The following OPCML variants were observed in gnomAD, a reference collection of about 807,000 sequenced individuals.
OPCML encodes opioid-binding protein/cell adhesion molecule.
A neutral mutation model predicts 37.8 loss-of-function variants in OPCML; 13 were observed. The observed-to-expected ratio is 0.34, with a 90% CI of 0.22 to 0.55. OPCML has a LOEUF of 0.55. OPCML is among the 20% of genes least tolerant of loss of function. The probability of loss-of-function intolerance (pLI) is 0.91; values close to 1 mark genes in which losing one functional copy is unlikely to be tolerated. For synonymous variants in OPCML, 176 were observed against 168.8 expected, an observed-to-expected ratio of 1.04 and a Z score of -0.33; for missense variants, 341 against 435.6, an observed-to-expected ratio of 0.78 and a Z score of 1.93.
At chr11:132,960,228 C>G (rs1170256764) in intron 1 of OPCML, among the ~76,000 whole-genome samples, 1 of 152,188 alleles carries the variant, frequency 6.6e-6, no homozygotes, top group Admixed American at 6.5e-5. Context: ...CGTAACTTTA[C>G]GTGTAGAAAA....
At chr11:132,615,821 A>G (rs1938970461) in intron 3 of OPCML, among the ~76,000 whole-genome samples, 1 of 152,220 alleles carries the variant, frequency 6.6e-6, no homozygotes, top group South Asian at 2.1e-4. Context: ...TCAGGAAAAG[A>G]ACCTGTAGAG....
chr11:132,714,256 A>G (rs1250236368), intron 2 of OPCML, among the ~76,000 whole-genome samples: 1 of 152,224 alleles, frequency 6.6e-6, no homozygotes, highest in African/African-American at 2.4e-5. Flanking sequence ...AAATAAAAAC[A>G]TTTGGAATTT....
At chr11:132,427,558 A>G (rs2136684673) in intron 7 of OPCML, among the ~76,000 whole-genome samples, 1 of 152,342 alleles carries the variant, frequency 6.6e-6, no homozygotes, top group South Asian at 2.1e-4. Context: ...CAGTCGATAA[A>G]GAGGCAACCA....
At chr11:133,002,813 GGTTGT>G (rs1290346835) in intron 1 of OPCML, among the ~76,000 whole-genome samples, 6 of 152,088 alleles carry the variant, frequency 3.9e-5, no homozygotes, top group Admixed American at 3.3e-4. Context: ...ATTGATCGTA[GGTTGT>G]GTCATCAGTT....
At chr11:132,438,047 T>C (rs1399478334) in intron 4 of OPCML, among the ~76,000 whole-genome samples, 1 of 152,234 alleles carries the variant, frequency 6.6e-6, no homozygotes, top group Non-Finnish European at 1.5e-5. Flanking sequence ...GTGGATTTAA[T>C]ACTCAATTTG....
chr11:132,729,133 C>T (rs1944986216), intron 2 of OPCML, among the ~76,000 whole-genome samples: 1 of 152,164 alleles, frequency 6.6e-6, no homozygotes, highest in Admixed American at 6.5e-5. Context: ...GTGTAGCAGC[C>T]TCAGGGAAGA....
chr11:132,441,228 C>A (rs1267677300), intron 4 of OPCML, among the ~76,000 whole-genome samples: 2 of 120,016 alleles, frequency 1.7e-5, no homozygotes, highest in Non-Finnish European at 3.2e-5. Flanking sequence ...AGTGCAGTGG[C>A]GGGATCTCGG....
intron 1 of OPCML, among the ~76,000 whole-genome samples, chr11:133,204,745 G>A (rs148960391): frequency 6.6e-6 from 1 of 151,754 alleles, no homozygotes; most frequent in Non-Finnish European, 1.5e-5. Flanking sequence ...TGGCTTTACT[G>A]TAGCTGTTAT....
At position 132,928,555 on chromosome 11, in the gene OPCML, T is replaced by C. The variant is rs59348870; in HGVS notation, c.146+14371A>G. On this transcript the variant is annotated intron_variant, in intron 2 of 7. Transcript: ENST00000524381. ...TTAGCACTCCACTTTCAATAATAGA[T>C]ATAACAAACAGACATAAGATCAATA... 4.6e-3 allele frequency among the ~76,000 whole-genome samples: 698 copies of C among 152,060 alleles called. 2 individuals are homozygous for C. Among genetic ancestry groups the C allele is most frequent in the African/African-American group, 0.016 (674 of 41,544 alleles).
intron 4 of OPCML, among the ~76,000 whole-genome samples, chr11:132,494,023 C>T (rs888088195): frequency 7.2e-5 from 11 of 152,194 alleles, no homozygotes; most frequent in Admixed American, 4.6e-4. Context: ...CTGTAGGGTG[C>T]CTTTCCCTGC....
intron 1 of OPCML, among the ~76,000 whole-genome samples, chr11:132,998,507 G>T (rs7948423): frequency 0.028 from 4,203 of 152,118 alleles, 190 homozygotes; most frequent in African/African-American, 0.097. Context: ...TCCCATCTTT[G>T]TCAGTTTTCA....
chr11:132,479,931 GA>G (rs1287572873), intron 4 of OPCML, among the ~76,000 whole-genome samples: 1 of 152,142 alleles, frequency 6.6e-6, no homozygotes, highest in Non-Finnish European at 1.5e-5. Flanking sequence ...AAAAACAGCG[GA>G]AAAACTGGAA....
At chr11:133,412,239 G>A (rs529630311) in intron 1 of OPCML, among the ~76,000 whole-genome samples, 5 of 152,280 alleles carry the variant, frequency 3.3e-5, no homozygotes, top group African/African-American at 1.2e-4. Context: ...AATTGGAGAG[G>A]CCCACCTAGG....
chr11:132,942,916 A>G lies in OPCML; in HGVS notation c.146+10T>C, dbSNP rs899183757. 1.3e-5 allele frequency: 21 copies of G among 1,613,512 alleles called. No individual in the cohort carries two copies. In the East Asian group the frequency reaches 4.7e-4, roughly 36 times the overall value. On this transcript the variant is annotated intron_variant, in intron 2 of 7. Transcript: ENST00000524381. ...AGGGGCTCGGCCCCCGCGGAAGGAC[A>G]GCTCCCTACCTGAGGGTGGCGCTCT...
chr11:133,178,744 G>A (rs181559135), intron 1 of OPCML, among the ~76,000 whole-genome samples: 7 of 152,266 alleles, frequency 4.6e-5, no homozygotes, highest in Admixed American at 1.3e-4. Flanking sequence ...GCATTCAGCC[G>A]AGGTAGGTGC....
At chr11:132,781,034 T>C (rs1187845893) in intron 2 of OPCML, among the ~76,000 whole-genome samples, 6 of 152,204 alleles carry the variant, frequency 3.9e-5, no homozygotes, top group African/African-American at 1.2e-4. Flanking sequence ...TTTGAGGCAA[T>C]GTATCAAGTA....
chr11:133,482,047 C>A (rs1022092602), intron 1 of OPCML, among the ~76,000 whole-genome samples: 1 of 152,150 alleles, frequency 6.6e-6, no homozygotes, highest in African/African-American at 2.4e-5. Flanking sequence ...TTAGAGGAAT[C>A]GGAATCAGAG....
At chr11:132,520,667 A>AAG (rs1555144674) in intron 4 of OPCML, among the ~76,000 whole-genome samples, 3 of 118,918 alleles carry the variant, frequency 2.5e-5, no homozygotes, top group Non-Finnish European at 5.0e-5. Flanking sequence ...TATGTAACTA[A>AAG]ATATATATGT....
intron 1 of OPCML, among the ~76,000 whole-genome samples, chr11:133,266,527 G>A (rs1941664270): frequency 6.6e-6 from 1 of 152,110 alleles, no homozygotes; most frequent in Non-Finnish European, 1.5e-5. Context: ...CTGCCATTTG[G>A]TATTTCCCAC....
Sources: allele counts gnomAD v4.1 joint callset (sites outside exome capture counted in the v4.1 genomes callset), GRCh38; gene constraint gnomAD v4.1.1; transcripts MANE v1.5; gene names NCBI Gene and HGNC (gene_info 2026-07-23, HGNC 2026-07-21).